TMEM132C: variants seen among roughly 807,000 people sequenced by gnomAD.
The protein encoded by TMEM132C is transmembrane protein 132C, also known as protein phosphatase 1, regulatory subunit 152.
TMEM132C carries 29 observed loss-of-function variants against 61.4 expected under a neutral mutation model. The observed-to-expected ratio is 0.47, with a 90% CI of 0.35 to 0.64. TMEM132C has a LOEUF of 0.64. TMEM132C is among the 30% of genes least tolerant of loss of function. TMEM132C has a pLI of 0.00. For synonymous variants in TMEM132C, 656 were observed against 633.1 expected (o/e 1.04, Z -0.54); for missense variants, 1,408 against 1,476.9 (o/e 0.95, Z 0.76).
At chr12:128,679,860 C>T (rs1408855113) in intron 5 of TMEM132C, among the ~76,000 whole-genome samples, 4 of 151,952 alleles carry the variant, frequency 2.6e-5, no homozygotes, top group Admixed American at 6.6e-5. Flanking sequence ...GGTAATGGGA[C>T]GAGGAGAGGA....
chr12:128,298,165 A>G (rs1173980433), intron 1 of TMEM132C, among the ~76,000 whole-genome samples: 2 of 152,200 alleles, frequency 1.3e-5, no homozygotes, highest in Non-Finnish European at 2.9e-5. Flanking sequence ...GTGAGAATGC[A>G]CATCTAATCA....
chr12:128,301,171 G>A (rs1335302728), intron 1 of TMEM132C, among the ~76,000 whole-genome samples: 5 of 152,180 alleles, frequency 3.3e-5, no homozygotes, highest in African/African-American at 1.2e-4. Flanking sequence ...GGAGAGCTTG[G>A]AGATGGAAGG....
chr12:128,305,222 T>A (rs947605228), intron 1 of TMEM132C, among the ~76,000 whole-genome samples: 4 of 151,980 alleles, frequency 2.6e-5, no homozygotes, highest in South Asian at 2.1e-4. Flanking sequence ...TAATAATAAT[T>A]ATTATTATAA....
At chr12:128,494,840 C>T (rs560413307) in intron 2 of TMEM132C, among the ~76,000 whole-genome samples, 1 of 151,602 alleles carries the variant, frequency 6.6e-6, no homozygotes, top group Non-Finnish European at 1.5e-5. Flanking sequence ...GTGTCTCTAT[C>T]TCCTTCAGTT....
intron 1 of TMEM132C, among the ~76,000 whole-genome samples, chr12:128,276,383 T>C (rs542565946): frequency 1.3e-5 from 2 of 152,308 alleles, no homozygotes; most frequent in South Asian, 4.1e-4. Flanking sequence ...TATCGGGGAA[T>C]AGGAAAACTG....
chr12:128,357,501 C>G (rs1873547402), intron 1 of TMEM132C, among the ~76,000 whole-genome samples: 1 of 151,990 alleles, frequency 6.6e-6, no homozygotes, highest in Admixed American at 6.5e-5. Flanking sequence ...TTGAGACCAG[C>G]CTGACGAACA....
intron 2 of TMEM132C, among the ~76,000 whole-genome samples, chr12:128,462,737 G>A (rs1339539452): frequency 6.6e-6 from 1 of 152,120 alleles, no homozygotes; most frequent in Non-Finnish European, 1.5e-5. Context: ...GCCCATATAT[G>A]CGTAAGCCAC....
chr12:128,498,121 T>C (rs1037854947), intron 2 of TMEM132C, among the ~76,000 whole-genome samples: 1 of 152,156 alleles, frequency 6.6e-6, no homozygotes, highest in Non-Finnish European at 1.5e-5. Flanking sequence ...TGGTTTTATT[T>C]TGATGGAATG....
intron 3 of TMEM132C, among the ~76,000 whole-genome samples, chr12:128,562,667 C>T (rs1001829478): frequency 6.6e-6 from 1 of 152,168 alleles, no homozygotes; most frequent in Non-Finnish European, 1.5e-5. Context: ...GCTCTGCATG[C>T]CTCGCCTTCC....
chr12:128,640,664 G>C (rs920073285), intron 4 of TMEM132C, among the ~76,000 whole-genome samples: 1 of 152,216 alleles, frequency 6.6e-6, no homozygotes, highest in Non-Finnish European at 1.5e-5. Context: ...GGGAGGCGGA[G>C]GCGGGCAGAT....
At chr12:128,603,454 A>G (rs932981823) in intron 3 of TMEM132C, among the ~76,000 whole-genome samples, 1 of 152,158 alleles carries the variant, frequency 6.6e-6, no homozygotes, top group African/African-American at 2.4e-5. Context: ...CAAAGTGAGG[A>G]CTGAGCTCAG....
At chr12:128,304,509 T>C (rs1354897080) in intron 1 of TMEM132C, among the ~76,000 whole-genome samples, 3 of 152,024 alleles carry the variant, frequency 2.0e-5, no homozygotes, top group Admixed American at 6.5e-5. Context: ...CTCAGGAGGC[T>C]GAGGCAGGAG....
chr12:128,575,065 A>G (rs776218205), intron 3 of TMEM132C, among the ~76,000 whole-genome samples: 2 of 152,180 alleles, frequency 1.3e-5, no homozygotes, highest in Non-Finnish European at 2.9e-5. Flanking sequence ...TTTCTTTGTA[A>G]TGTGGACAGT....
intron 4 of TMEM132C, among the ~76,000 whole-genome samples, chr12:128,661,610 T>C (rs1734948507): frequency 6.6e-6 from 1 of 151,464 alleles, no homozygotes; most frequent in South Asian, 2.1e-4. Context: ...GATTCAGTTA[T>C]TTGCAAAGGC....
At chr12:128,654,435 C>T (rs377540922) in intron 4 of TMEM132C, among the ~76,000 whole-genome samples, 1 of 152,186 alleles carries the variant, frequency 6.6e-6, no homozygotes, top group Non-Finnish European at 1.5e-5. Context: ...GCCTCCAGAA[C>T]AGTGAGAGAA....
At chr12:128,395,624 C>A (rs1188486170) in intron 1 of TMEM132C, among the ~76,000 whole-genome samples, 1 of 152,220 alleles carries the variant, frequency 6.6e-6, no homozygotes, top group Non-Finnish European at 1.5e-5. Context: ...TCATCGAACA[C>A]AAAGCCTGTT....
chr12:128,611,661 C>A (rs1043852383), intron 3 of TMEM132C, among the ~76,000 whole-genome samples: 4 of 152,184 alleles, frequency 2.6e-5, no homozygotes, highest in Non-Finnish European at 5.9e-5. Context: ...TGGAGGGAAA[C>A]CTTCTAAGCC....
intron 2 of TMEM132C, among the ~76,000 whole-genome samples, chr12:128,500,267 A>T (rs1337283911): frequency 6.6e-6 from 1 of 152,168 alleles, no homozygotes; most frequent in Admixed American, 6.6e-5. Context: ...TGGGTGTGTA[A>T]ATTTTTATTA....
intron 1 of TMEM132C, among the ~76,000 whole-genome samples, chr12:128,353,297 G>C (rs928688990): frequency 2.0e-5 from 3 of 152,206 alleles, no homozygotes; most frequent in African/African-American, 7.2e-5. Context: ...TCCCTGTCTG[G>C]AGGAGAAAGA....
Sources: allele counts gnomAD v4.1 joint callset (sites outside exome capture counted in the v4.1 genomes callset), GRCh38; gene constraint gnomAD v4.1.1; transcripts MANE v1.5; gene names NCBI Gene and HGNC (gene_info 2026-07-23, HGNC 2026-07-21).